GPR39: variants seen among roughly 807,000 people sequenced by gnomAD.
GPR39 encodes the protein G protein-coupled receptor 39.
A neutral mutation model predicts 18.4 loss-of-function variants in GPR39; 23 were observed. The ratio of observed to expected loss-of-function variants is 1.25; its 90% confidence interval spans 0.90 to 1.77. The LOEUF is 1.77. GPR39 is among the 40% of genes most tolerant of loss of function. GPR39 has a pLI of 0.00. For missense variants in GPR39, 647 were observed against 602.4 expected (o/e 1.07, Z -0.78); for synonymous variants, 280 against 257.9 (o/e 1.09, Z -0.82).
chr2:132,456,319 T>C (rs1307633557), intron 1 of GPR39, among the ~76,000 whole-genome samples: 2 of 108,570 alleles, frequency 1.8e-5, no homozygotes, highest in East Asian at 2.5e-4. Flanking sequence ...TTTTTTTTTT[T>C]CCATTTGCTT....
At chr2:132,449,571 C>G (rs1680598674) in intron 1 of GPR39, among the ~76,000 whole-genome samples, 1 of 152,114 alleles carries the variant, frequency 6.6e-6, no homozygotes, top group Non-Finnish European at 1.5e-5. Flanking sequence ...TTAATGGAAG[C>G]TGTTTGAATT....
At chr2:132,503,751 C>G (rs1055406833) in intron 1 of GPR39, among the ~76,000 whole-genome samples, 15 of 152,302 alleles carry the variant, frequency 9.8e-5, no homozygotes, top group African/African-American at 3.6e-4. Context: ...AGCTTAGCCC[C>G]TCCCAGGGCA....
intron 1 of GPR39, among the ~76,000 whole-genome samples, chr2:132,486,143 C>T (rs753682520): frequency 1.5e-4 from 23 of 152,140 alleles, no homozygotes; most frequent in Non-Finnish European, 2.6e-4. Flanking sequence ...TGAAAGGAAT[C>T]TTGTTTTCTG....
chr2:132,460,141 A>G (rs1334178990), intron 1 of GPR39, among the ~76,000 whole-genome samples: 3 of 152,198 alleles, frequency 2.0e-5, no homozygotes, highest in Non-Finnish European at 2.9e-5. Context: ...ACTTCCTAGC[A>G]ATATGTCTCC....
rs549817107 is a variant in GPR39 at position 132,644,375 on chromosome 2, G to A, written c.857-726G>A. 6.6e-5 allele frequency among the ~76,000 whole-genome samples: 10 copies of A among 152,202 alleles called. No homozygotes were observed. The East Asian group carries it at 1.9e-3, about 29-fold the overall frequency. On this transcript the variant is annotated intron_variant, in intron 1 of 1. Transcript: ENST00000329321. ...AAAGGAAGGGAACATGTTACTGGCT[G>A]AACTAGAAGGAAGTTTTATATTTGC...
chr2:132,601,107 T>C (rs1681035513), intron 1 of GPR39, among the ~76,000 whole-genome samples: 1 of 152,060 alleles, frequency 6.6e-6, no homozygotes, highest in African/African-American at 2.4e-5. Context: ...GCAGGAATTC[T>C]TCCTAATTGA....
intron 1 of GPR39, among the ~76,000 whole-genome samples, chr2:132,425,699 T>A (rs2315387): frequency 0.21 from 32,580 of 152,088 alleles, 3,649 homozygotes; most frequent in African/African-American, 0.26. Context: ...AGCCTTTAAA[T>A]CTGGGTCTAG....
intron 1 of GPR39, among the ~76,000 whole-genome samples, chr2:132,460,852 C>A (rs187153967): frequency 7.2e-5 from 11 of 152,290 alleles, no homozygotes; most frequent in African/African-American, 2.4e-4. Context: ...GCACAGCCAG[C>A]TCTGGGCAGG....
chr2:132,629,010 T>A (rs560486536), intron 1 of GPR39, among the ~76,000 whole-genome samples: 1 of 152,160 alleles, frequency 6.6e-6, no homozygotes, highest in Non-Finnish European at 1.5e-5. Flanking sequence ...GAACAGTATC[T>A]GGGAGGTTCT....
intron 1 of GPR39, among the ~76,000 whole-genome samples, chr2:132,619,079 G>A (rs961155303): frequency 1.3e-5 from 2 of 152,186 alleles, no homozygotes; most frequent in Non-Finnish European, 2.9e-5. Context: ...CACCCCCACA[G>A]GCCCTTTTCC....
chr2:132,527,890 T>TTTTTG (rs796211717), intron 1 of GPR39, among the ~76,000 whole-genome samples: 7 of 151,530 alleles, frequency 4.6e-5, no homozygotes, highest in Admixed American at 1.3e-4. Context: ...ATGATAGTTT[T>TTTTTG]TTTTGTTTTG....
intron 1 of GPR39, among the ~76,000 whole-genome samples, chr2:132,480,441 A>C (rs1380236738): frequency 6.6e-6 from 1 of 152,244 alleles, no homozygotes; most frequent in African/African-American, 2.4e-5. Context: ...ATAATAATAA[A>C]AAGAATATAG....
chr2:132,449,944 A>G (rs1286498191), intron 1 of GPR39, among the ~76,000 whole-genome samples: 1 of 152,132 alleles, frequency 6.6e-6, no homozygotes, highest in Non-Finnish European at 1.5e-5. Context: ...AGGCCCTTCA[A>G]AATCTTTTGG....
At chr2:132,598,804 G>A (rs76629316) in intron 1 of GPR39, among the ~76,000 whole-genome samples, 2,257 of 152,220 alleles carry the variant, frequency 0.015, 67 homozygotes, top group African/African-American at 0.051. Context: ...GAGCTAGAAA[G>A]TCTAGGGCCC....
At chr2:132,431,990 A>G (rs1680231863) in intron 1 of GPR39, among the ~76,000 whole-genome samples, 1 of 152,102 alleles carries the variant, frequency 6.6e-6, no homozygotes. Context: ...TCAACCTTCC[A>G]GTTGCTGGTG....
chr2:132,539,450 G>C (rs1679822412), intron 1 of GPR39, among the ~76,000 whole-genome samples: 1 of 152,066 alleles, frequency 6.6e-6, no homozygotes, highest in Admixed American at 6.5e-5. Flanking sequence ...CTTCTGTGTT[G>C]GTCTTGCTGG....
At chr2:132,471,712 G>A (rs1005744151) in intron 1 of GPR39, among the ~76,000 whole-genome samples, 1 of 149,302 alleles carries the variant, frequency 6.7e-6, no homozygotes, top group Non-Finnish European at 1.5e-5. Flanking sequence ...TCAATAGGCT[G>A]CTATGCCATT....
At chr2:132,478,671 C>T (rs1412998309) in intron 1 of GPR39, among the ~76,000 whole-genome samples, 2 of 152,188 alleles carry the variant, frequency 1.3e-5, no homozygotes, top group African/African-American at 4.8e-5. Context: ...CTTGTGAATT[C>T]TAATTTCAAG....
chr2:132,575,692 T>G (rs1023366172), intron 1 of GPR39, among the ~76,000 whole-genome samples: 1 of 152,236 alleles, frequency 6.6e-6, no homozygotes, highest in Admixed American at 6.5e-5. Context: ...TGCACTTCCC[T>G]AAGGGCTAAT....
Sources: allele counts gnomAD v4.1 joint callset (sites outside exome capture counted in the v4.1 genomes callset), GRCh38; gene constraint gnomAD v4.1.1; transcripts MANE v1.5; gene names NCBI Gene and HGNC (gene_info 2026-07-23, HGNC 2026-07-21).